The following FLRT1 variants were observed in gnomAD, a reference collection of about 807,000 sequenced individuals.
FLRT1 encodes leucine-rich repeat transmembrane protein FLRT1.
FLRT1 carries 14 observed loss-of-function variants against 30.9 expected under a neutral mutation model. That is an observed-to-expected ratio of 0.45 (90% CI 0.30 to 0.71). FLRT1 has a LOEUF of 0.71. FLRT1 is among the 30% of genes least tolerant of loss of function. The pLI is 0.08. For missense variants in FLRT1, 737 were observed against 949.2 expected, an observed-to-expected ratio of 0.78 and a Z score of 2.94; for synonymous variants, 368 against 430.4, an observed-to-expected ratio of 0.85 and a Z score of 1.80.
chr11:64,114,603 A>G (rs1333064331), intron 2 of FLRT1, among the ~76,000 whole-genome samples: 1 of 149,374 alleles, frequency 6.7e-6, no homozygotes, highest in Non-Finnish European at 1.5e-5. Flanking sequence ...AGGATGGTGG[A>G]CAGATGGATG....
intron 1 of FLRT1, among the ~76,000 whole-genome samples, chr11:64,078,920 T>C (rs1691000273): frequency 6.6e-6 from 1 of 152,088 alleles, no homozygotes; most frequent in Admixed American, 6.5e-5. Flanking sequence ...CCAGGACATA[T>C]CTTTATGCCA....
chr11:64,048,916 C>T (rs143216820), intron 1 of FLRT1, among the ~76,000 whole-genome samples: 42 of 152,028 alleles, frequency 2.8e-4, no homozygotes, highest in African/African-American at 8.7e-4. Context: ...CCAGCCAGCT[C>T]GCCAGACCCT....
intron 1 of FLRT1, among the ~76,000 whole-genome samples, chr11:64,076,504 G>A (rs1318131892): frequency 6.6e-6 from 1 of 152,200 alleles, no homozygotes; most frequent in Non-Finnish European, 1.5e-5. Context: ...TGTCTCATCT[G>A]TGCCGGGCCC....
intron 1 of FLRT1, among the ~76,000 whole-genome samples, chr11:64,043,445 G>A (rs866808685): frequency 2.6e-5 from 4 of 152,156 alleles, no homozygotes; most frequent in African/African-American, 4.8e-5. Flanking sequence ...GACTCTAAAC[G>A]CCTGGTTGTG....
chr11:64,036,997 C>T lies in FLRT1; in HGVS notation c.-1038+838C>T, dbSNP rs1943394730. 6.6e-6 allele frequency among the ~76,000 whole-genome samples: 1 copy of T among 152,242 alleles called. No homozygotes were observed. The highest frequency in any genetic ancestry group is 1.5e-5 in the Non-Finnish European group (1 of 68,028). ...GTGGAACAGGGACACCAGGGAGCTG[C>T]CACAGCCTTCCCGGTGGCCCCGGGA... On this transcript the variant is annotated intron_variant, in intron 1 of 2. Transcript: ENST00000682287. This position sits in a 1 kb window ranked among gnomAD's most constrained non-coding sequence, Gnocchi z 5.6.
At chr11:64,071,204 C>T (rs2134462425) in intron 1 of FLRT1, among the ~76,000 whole-genome samples, 1 of 152,146 alleles carries the variant, frequency 6.6e-6, no homozygotes, top group South Asian at 2.1e-4. Flanking sequence ...TGCAAACCAC[C>T]CTCCCAGCCT....
chr11:64,061,371 T>C (rs1172840736), intron 1 of FLRT1, among the ~76,000 whole-genome samples: 1 of 152,156 alleles, frequency 6.6e-6, no homozygotes, highest in Non-Finnish European at 1.5e-5. Flanking sequence ...GGCCCTCTGC[T>C]AGGCAAGAGG....
chr11:64,039,317 C>T (rs923456049), intron 1 of FLRT1, among the ~76,000 whole-genome samples: 2 of 152,142 alleles, frequency 1.3e-5, no homozygotes, highest in Admixed American at 6.5e-5. Flanking sequence ...TTTCCCTGCT[C>T]ACTGGCAGAG....
chr11:64,110,602 G>T (rs2186643), intron 2 of FLRT1, among the ~76,000 whole-genome samples: 2 of 151,810 alleles, frequency 1.3e-5, no homozygotes, highest in African/African-American at 4.8e-5. Context: ...CCAGCTAAGC[G>T]GAGGAGTAAT....
intron 1 of FLRT1, among the ~76,000 whole-genome samples, chr11:64,043,664 A>G (rs181896408): frequency 3.9e-5 from 6 of 152,320 alleles, no homozygotes; most frequent in Admixed American, 2.6e-4. Context: ...TTTACTGCAT[A>G]CAATGCATAT....
chr11:64,044,517 G>A (rs988334410), intron 1 of FLRT1, among the ~76,000 whole-genome samples: 20 of 152,198 alleles, frequency 1.3e-4, no homozygotes, highest in African/African-American at 4.8e-4. Context: ...CTGATTACAG[G>A]TGTGAGACAC....
rs1266306392 is a variant in FLRT1, at chr11:64,116,848, C to T, written c.581C>T (p.Ser194Leu). ...CGGAACCACCTGAGCAGCATCCCCTCGGGGCTGCCGCACACGCTGGAGGAG... is the reference window on the plus strand; with the variant it reads ...CGGAACCACCTGAGCAGCATCCCCTTGGGGCTGCCGCACACGCTGGAGGAG... ...LSRNHLSSIP[S>L]GLPHTLEELR... The change falls in exon 3 of 3, where the codon TCG becomes TTG. Residue 194 changes from serine to leucine, a missense_variant. Ser to Leu is a moderately radical substitution (Grantham distance 145). Coordinates refer to ENST00000682287, the MANE Select transcript of FLRT1 (RefSeq NM_013280.5). The T allele has an allele frequency of 3.7e-6, 6 of 1,612,646 alleles. No individual in the cohort carries two copies. In the South Asian group the frequency reaches 4.4e-5, roughly 12 times the overall value.
At chr11:64,058,592 C>T (rs555974448) in intron 1 of FLRT1, among the ~76,000 whole-genome samples, 33 of 152,384 alleles carry the variant, frequency 2.2e-4, no homozygotes, top group South Asian at 1.9e-3. Context: ...GAGCCGGCAG[C>T]TGCCGGGTGC....
chr11:64,083,479 T>C (rs975173190), intron 1 of FLRT1, among the ~76,000 whole-genome samples: 4 of 152,188 alleles, frequency 2.6e-5, no homozygotes, highest in African/African-American at 9.7e-5. Flanking sequence ...TGGCAGGATT[T>C]GAACCCCAGC....
chr11:64,109,740 G>T (rs958510150), intron 2 of FLRT1, among the ~76,000 whole-genome samples: 7 of 152,144 alleles, frequency 4.6e-5, no homozygotes, highest in Non-Finnish European at 1.0e-4. Context: ...AGCTCTGTGC[G>T]GCCCAGACAT....
At chr11:64,108,969 G>A (rs1944812458) in intron 2 of FLRT1, among the ~76,000 whole-genome samples, 1 of 152,144 alleles carries the variant, frequency 6.6e-6, no homozygotes, top group South Asian at 2.1e-4. Flanking sequence ...AGGCTGAGGG[G>A]CAAGTGGGGG....
At chr11:64,089,135 C>A (rs565085619) in intron 1 of FLRT1, among the ~76,000 whole-genome samples, 1 of 152,180 alleles carries the variant, frequency 6.6e-6, no homozygotes, top group Admixed American at 6.5e-5. Context: ...CCCAGGAGCC[C>A]GCTGGTGACC....
intron 1 of FLRT1, among the ~76,000 whole-genome samples, chr11:64,043,255 G>A (rs930644231): frequency 3.9e-5 from 6 of 152,324 alleles, no homozygotes; most frequent in African/African-American, 9.6e-5. Flanking sequence ...CGCCAGACAC[G>A]TGCTGGGATA....
At chr11:64,050,265 G>A (rs1590839735) in intron 1 of FLRT1, among the ~76,000 whole-genome samples, 1 of 152,142 alleles carries the variant, frequency 6.6e-6, no homozygotes, top group South Asian at 2.1e-4. Context: ...CTGAGACCCC[G>A]AGAGATGAGT....
Sources: gnomAD v4.1 joint callset for allele counts (sites outside exome capture counted in the v4.1 genomes callset) on GRCh38, gnomAD v4.1.1 for gene constraint, Gnocchi (gnomAD v3.1) non-coding constraint, MANE v1.5 for transcripts, NCBI Gene and HGNC (gene_info 2026-07-23, HGNC 2026-07-21) for gene names.